GDPD4: variants seen among roughly 807,000 people sequenced by gnomAD.
GDPD4 encodes the protein glycerophosphodiester phosphodiesterase 6.
Under a neutral mutation model 67.8 loss-of-function variants are expected in GDPD4, and 60 were observed. The ratio of observed to expected loss-of-function variants is 0.88; its 90% CI spans 0.72 to 1.10. The LOEUF is 1.10. GDPD4 is among the 50% of genes least tolerant of loss of function. The pLI is 0.00. For synonymous variants in GDPD4, 212 were observed against 210.9 expected (o/e 1.00, Z -0.04); for missense variants, 623 against 613.9 (o/e 1.01, Z -0.16).
At chr11:77,298,013 T>C (rs1012759952) in intron 1 of GDPD4, among the ~76,000 whole-genome samples, 35 of 151,864 alleles carry the variant, frequency 2.3e-4, no homozygotes, top group African/African-American at 8.2e-4. Flanking sequence ...CCTCAGAGCA[T>C]AAATGAAGAC....
At chr11:77,245,171 A>G in intron 12 of GDPD4, 110 bp downstream of exon 12, 1 of 747,918 alleles carries the variant, frequency 1.3e-6, no homozygotes, top group East Asian at 2.5e-5. Context: ...AAGTAAAATT[A>G]CTTAAGGATC....
chr11:77,223,194 C>T (rs1334058091), intron 16 of GDPD4, among the ~76,000 whole-genome samples: 1 of 152,134 alleles, frequency 6.6e-6, no homozygotes, highest in Admixed American at 6.6e-5. Context: ...TTTGTTATTA[C>T]CGACCTTCTG....
At chr11:77,225,599 A>G (rs1025972022) in intron 16 of GDPD4, among the ~76,000 whole-genome samples, 3 of 152,218 alleles carry the variant, frequency 2.0e-5, no homozygotes, top group Non-Finnish European at 4.4e-5. Flanking sequence ...AGCCAGAGGA[A>G]AAAAGACACG....
At chr11:77,241,638 T>TTAAAA (rs1555117054) in intron 13 of GDPD4, among the ~76,000 whole-genome samples, 2 of 60,824 alleles carry the variant, frequency 3.3e-5, no homozygotes, top group African/African-American at 1.4e-4. Context: ...ACCCTGTCTT[T>TTAAAA]AAAAAAAAAA....
chr11:77,281,772 G>C (rs1030652233), intron 3 of GDPD4, among the ~76,000 whole-genome samples: 2 of 152,084 alleles, frequency 1.3e-5, no homozygotes, highest in South Asian at 4.1e-4. Flanking sequence ...TGTGACTTGT[G>C]GGGGAAGGAA....
intron 11 of GDPD4, among the ~76,000 whole-genome samples, chr11:77,249,700 G>A (rs940664655): frequency 6.6e-6 from 1 of 152,128 alleles, no homozygotes; most frequent in African/African-American, 2.4e-5. Context: ...ACAAATTCCT[G>A]GAGGATTAGT....
At chr11:77,242,800 G>A (rs985133669) in intron 13 of GDPD4, among the ~76,000 whole-genome samples, 2 of 151,830 alleles carry the variant, frequency 1.3e-5, no homozygotes, top group African/African-American at 2.4e-5. Context: ...ATTTTCCAAC[G>A]CTAAAAGAAA....
At position 77,258,313 on chromosome 11, in the gene GDPD4, T is replaced by C. The variant is rs1042405296; in HGVS notation, c.864+73A>G. ...CTTGCCTATCTTCATCTATGGCCTT[T>C]ATTTTCAGGAGCAGCACATGATCTC... On this transcript the variant is annotated intron_variant, in intron 11 of 16. Transcript: ENST00000315938. The C allele has an allele frequency of 1.2e-5, 17 of 1,433,808 alleles. No homozygotes were observed. In the African/African-American group the frequency reaches 2.4e-4, roughly 20 times the overall value. The allele number at this position is 1,433,808 out of a possible 1,614,324, so 88.8% of individuals were successfully genotyped here. A position where few individuals can be genotyped will look rare whatever the true frequency, so the allele number is the denominator to read the frequency against.
Position 77,233,031 on chromosome 11 carries a change from G to C in GDPD4, c.1383C>G (p.Phe461Leu). The C allele has an allele frequency of 1.2e-6, 2 of 1,613,954 alleles. No individual in the cohort carries two copies. Residue 461 changes from phenylalanine to leucine, a missense_variant, in exon 14 of 17, where the codon TTC (phenylalanine) becomes TTG (leucine). Phe to Leu is a conservative substitution (Grantham distance 22, BLOSUM62 0). Transcript: ENST00000315938. Reference sequence around the variant, plus strand: ...ATCTGGACAACCAGCTCACCATGAAGAAGTGAGGGTGATCAAGCTGACTCA... The same window carrying C: ...ATCTGGACAACCAGCTCACCATGAACAAGTGAGGGTGATCAAGCTGACTCA... ...GLLSQLDHPH[F>L]FMTPKFYVFM... is the part of the protein sequence containing the mutation.
chr11:77,267,786 G>A (rs1959184982), intron 10 of GDPD4, among the ~76,000 whole-genome samples: 1 of 151,864 alleles, frequency 6.6e-6, no homozygotes, highest in Non-Finnish European at 1.5e-5. Flanking sequence ...CTCCTCATAG[G>A]GTCTTAGAGC....
rs191370230 is a variant in GDPD4 at position 77,232,276 on chromosome 11, A to G, written c.1389+749T>C. On this transcript the variant is annotated intron_variant, in intron 14 of 16. Coordinates refer to ENST00000315938, the MANE Select transcript of GDPD4 (RefSeq NM_182833.3). ...TGAGATTTCATTCAGGGGCAGAGAA[A>G]GGCCTACATCACAGACCAGGTTTAA... is the stretch of plus-strand genomic sequence containing the variant. Among the ~76,000 whole-genome samples the G allele has an allele frequency of 3.9e-5, 6 of 152,352 alleles. No individual in the cohort carries two copies. In the East Asian group the frequency reaches 1.2e-3, roughly 29 times the overall value.
chr11:77,243,899 C>T lies in GDPD4; in HGVS notation c.1087-51G>A, dbSNP rs371415425. 347 of 1,340,922 alleles carry T rather than the reference C, an allele frequency of 2.6e-4. 1 individual carries two copies. Among genetic ancestry groups the T allele is most frequent in the South Asian group, 9.0e-4 (75 of 83,410 alleles). The allele number at this position is 1,340,922 out of a possible 1,614,324, so 83.1% of individuals were successfully genotyped here. On this transcript the variant is annotated intron_variant, in intron 12 of 16. Coordinates refer to ENST00000315938, the MANE Select transcript of GDPD4 (RefSeq NM_182833.3). Reference sequence around the variant, plus strand: ...CAGTAGATAATCAGCTATCCAGGTACGAACAGCCCCATAGAGAATGGAGGG... The same window carrying T: ...CAGTAGATAATCAGCTATCCAGGTATGAACAGCCCCATAGAGAATGGAGGG...
chr11:77,223,846 C>T (rs545226132), intron 16 of GDPD4, among the ~76,000 whole-genome samples: 1 of 152,164 alleles, frequency 6.6e-6, no homozygotes, highest in Non-Finnish European at 1.5e-5. Flanking sequence ...CCGGTGGGCT[C>T]CACCTAATTT....
intron 11 of GDPD4, among the ~76,000 whole-genome samples, chr11:77,249,975 C>T (rs777918288): frequency 1.3e-5 from 2 of 152,044 alleles, no homozygotes; most frequent in Non-Finnish European, 2.9e-5. Flanking sequence ...TATATTTGTA[C>T]AGTTTTTAAA....
intron 1 of GDPD4, among the ~76,000 whole-genome samples, chr11:77,287,675 T>C (rs1416692389): frequency 6.6e-6 from 1 of 152,224 alleles, no homozygotes; most frequent in Non-Finnish European, 1.5e-5. Context: ...TGGGACAATA[T>C]TCCCTGTCCT....
Position 77,276,145 on chromosome 11 carries a change from G to C in GDPD4, c.207+16C>G. ...GTCCTGGTCTAAGGTTTCCTATGTG[G>C]ACTCAGATGTCCTACCTTATGACAC... is the stretch of plus-strand genomic sequence containing the variant. On this transcript the variant is annotated intron_variant, in intron 5 of 16. Coordinates refer to ENST00000315938, the MANE Select transcript of GDPD4 (RefSeq NM_182833.3). 1 of 1,601,910 alleles carries C rather than the reference G, an allele frequency of 6.2e-7. No homozygotes were observed. Among genetic ancestry groups the C allele is most frequent in the Non-Finnish European group, 8.6e-7 (1 of 1,169,002 alleles).
At chr11:77,241,997 C>CATA (rs529758709) in intron 13 of GDPD4, among the ~76,000 whole-genome samples, 184 of 151,738 alleles carry the variant, frequency 1.2e-3, no homozygotes, top group African/African-American at 4.3e-3. Context: ...TTACCAAAGG[C>CATA]TAATGTTGGT....
At chr11:77,263,129 A>C (rs1959152059) in intron 10 of GDPD4, among the ~76,000 whole-genome samples, 1 of 152,166 alleles carries the variant, frequency 6.6e-6, no homozygotes, top group Non-Finnish European at 1.5e-5. Flanking sequence ...AAAGATTAAA[A>C]TAATTATTAG....
chr11:77,217,123 G>A lies in GDPD4; in HGVS notation c.*154C>T. 2.8e-6 allele frequency: 2 copies of A among 724,088 alleles called. No homozygotes were observed. Among genetic ancestry groups the A allele is most frequent in the Non-Finnish European group, 5.1e-6 (2 of 391,748 alleles). 44.9% of individuals were successfully genotyped at this position (724,088 alleles called of 1,614,324 possible). ...GCTTCAAAGGTGTGACAGCATTCTT[G>A]ATAGGTAGTAGTTTCTTGGATGGTG... is the stretch of plus-strand genomic sequence containing the variant. On this transcript the variant is annotated 3_prime_UTR_variant, in exon 17 of 17. Coordinates refer to ENST00000315938, the MANE Select transcript of GDPD4 (RefSeq NM_182833.3).
Sources: gnomAD v4.1 joint callset for allele counts (sites outside exome capture counted in the v4.1 genomes callset) on GRCh38, gnomAD v4.1.1 for gene constraint, MANE v1.5 for transcripts, NCBI Gene and HGNC (gene_info 2026-07-23, HGNC 2026-07-21) for gene names.